The following IL3RA variants were observed in gnomAD, a reference collection of about 807,000 sequenced individuals.
IL3RA encodes interleukin 3 receptor subunit alpha.
A neutral mutation model predicts 52.3 loss-of-function variants in IL3RA; 73 were observed. That is an observed-to-expected ratio of 1.40 (90% CI 1.16 to 1.70). The LOEUF (loss-of-function observed/expected upper bound fraction) is 1.70, where lower values mean the gene tolerates loss of function less well. Among genes scored for constraint, IL3RA ranks in the 40% most tolerant of loss-of-function variants. IL3RA has a pLI of 0.00. For synonymous variants in IL3RA, 260 were observed against 194.0 expected (o/e 1.34, Z -2.83); for missense variants, 664 against 504.4 (o/e 1.32, Z -3.03).
intron 10 of IL3RA, 141 bp from the exon 11 acceptor site, chrX:1,380,882 C>G: frequency 1.4e-6 from 1 of 722,462 alleles, no homozygotes; most frequent in Non-Finnish European, 2.4e-6. Context: ...GCCTCAGGGG[C>G]CGGGAAAATA....
chrX:1,379,539 G>C (rs1305505858), intron 10 of IL3RA, among the ~76,000 whole-genome samples: 5 of 152,226 alleles, frequency 3.3e-5, no homozygotes, highest in African/African-American at 1.2e-4. Context: ...AGCCAAAGCT[G>C]AGGGCTCTGG....
chrX:1,381,764 G>C (rs1475383811), intron 11 of IL3RA, among the ~76,000 whole-genome samples: 9 of 151,116 alleles, frequency 6.0e-5, no homozygotes, highest in African/African-American at 1.9e-4. Flanking sequence ...GGATGGTCTC[G>C]ATCTCCTGAC....
At chrX:1,346,561 T>A (rs17884225) in intron 3 of IL3RA, among the ~76,000 whole-genome samples, 2 of 151,870 alleles carry the variant, frequency 1.3e-5, no homozygotes, top group East Asian at 3.9e-4. Context: ...GAGCCGAGAT[T>A]GTGCCACTGC....
chrX:1,346,594 G>A (rs2085754479), intron 3 of IL3RA, among the ~76,000 whole-genome samples: 1 of 151,862 alleles, frequency 6.6e-6, no homozygotes, highest in Non-Finnish European at 1.5e-5. Context: ...GTGACAGAGT[G>A]AGACTCCATC....
chrX:1,364,681 T>C (rs1648199335), intron 8 of IL3RA, among the ~76,000 whole-genome samples: 1 of 151,844 alleles, frequency 6.6e-6, no homozygotes, highest in African/African-American at 2.4e-5. Flanking sequence ...TCTTGCTATG[T>C]TGCCCAGGCT....
chrX:1,355,580 G>A (rs1191955087), intron 6 of IL3RA, among the ~76,000 whole-genome samples: 1 of 151,032 alleles, frequency 6.6e-6, no homozygotes, highest in Admixed American at 6.6e-5. Context: ...ACCTGAGGAT[G>A]TGGAAGTGCC....
At position 1,342,370 on chromosome X, in the gene IL3RA, C is replaced by T. The variant is rs557285785; in HGVS notation, c.64+541C>T. On this transcript the variant is annotated intron_variant, in intron 2 of 11. Transcript: ENST00000331035. ...TGATAGAGACGGGATTTCACTATGTCGGTCAGGCTGGTCTAGAACTGCTGA... is the reference window on the plus strand; with the variant it reads ...TGATAGAGACGGGATTTCACTATGTTGGTCAGGCTGGTCTAGAACTGCTGA... Among the ~76,000 whole-genome samples the T allele has an allele frequency of 2.0e-3, 304 of 151,842 alleles. 4 individuals carry two copies. The South Asian group carries it at 0.029, about 14-fold the overall frequency.
intron 7 of IL3RA, among the ~76,000 whole-genome samples, chrX:1,358,600 A>G (rs1189864841): frequency 6.6e-6 from 1 of 152,170 alleles, no homozygotes; most frequent in African/African-American, 2.4e-5. Flanking sequence ...CGGAGGTTGC[A>G]GTGAGCCGAG....
intron 8 of IL3RA, among the ~76,000 whole-genome samples, chrX:1,363,849 A>G (rs1321419858): frequency 6.6e-6 from 1 of 151,808 alleles, no homozygotes; most frequent in East Asian, 1.9e-4. Context: ...CCCCCCAAGT[A>G]GCTGAAACTA....
At chrX:1,359,289 C>T (rs1410176682) in intron 8 of IL3RA, among the ~76,000 whole-genome samples, 1 of 151,996 alleles carries the variant, frequency 6.6e-6, no homozygotes, top group African/African-American at 2.4e-5. Context: ...ATAGCTCCAC[C>T]CAGCAGAGAC....
chrX:1,381,881 G>C (rs1366358897), intron 11 of IL3RA, among the ~76,000 whole-genome samples: 1 of 151,832 alleles, frequency 6.6e-6, no homozygotes, highest in Non-Finnish European at 1.5e-5. Context: ...GTGTCCCTAA[G>C]AGAAAGGAAG....
intron 4 of IL3RA, 121 bp downstream of exon 4, chrX:1,348,666 C>CTTTCTT (rs1239606137): frequency 2.2e-6 from 1 of 451,322 alleles, no homozygotes; most frequent in Non-Finnish European, 3.8e-6. Context: ...TTCTTTCTTT[C>CTTTCTT]TTTCTTTCTT....
At chrX:1,339,382 C>T (rs2085404872) in intron 1 of IL3RA, among the ~76,000 whole-genome samples, 1 of 152,228 alleles carries the variant, frequency 6.6e-6, no homozygotes, top group Non-Finnish European at 1.5e-5. Flanking sequence ...TTACCTTTTC[C>T]CTGCTGCCCT....
intron 9 of IL3RA, among the ~76,000 whole-genome samples, chrX:1,377,534 C>T (rs180850579): frequency 1.3e-5 from 2 of 152,010 alleles, no homozygotes; most frequent in African/African-American, 2.4e-5. Flanking sequence ...TGAGCCACCG[C>T]GCCCGGCCAA....
chrX:1,350,091 AAC>A (rs1315693987), intron 4 of IL3RA, among the ~76,000 whole-genome samples: 1 of 152,192 alleles, frequency 6.6e-6, no homozygotes, highest in Non-Finnish European at 1.5e-5. Context: ...ACAAATAGAA[AAC>A]AGTCTCCTGG....
intron 9 of IL3RA, among the ~76,000 whole-genome samples, chrX:1,367,284 A>C (rs770153244): frequency 1.5e-4 from 1 of 6,678 alleles, no homozygotes; most frequent in South Asian, 9.6e-3. Flanking sequence ...GCGCGGGGTG[A>C]GCGGGGTGCG....
chrX:1,381,591 G>A (rs2089180587), intron 11 of IL3RA, among the ~76,000 whole-genome samples: 1 of 151,222 alleles, frequency 6.6e-6, no homozygotes, highest in Non-Finnish European at 1.5e-5. Flanking sequence ...AGGCTAGAGT[G>A]CAATGGTGCG....
intron 6 of IL3RA, among the ~76,000 whole-genome samples, chrX:1,353,628 ACC>A (rs749574828): frequency 0.67 from 27,816 of 41,656 alleles, 11,189 homozygotes; most frequent in African/African-American, 0.81. Context: ...GGGTCATGGG[ACC>A]CCCCCCATCA....
chrX:1,364,309 TG>T (rs1195714864), intron 8 of IL3RA, among the ~76,000 whole-genome samples: 1 of 150,886 alleles, frequency 6.6e-6, no homozygotes, highest in African/African-American at 2.4e-5. Flanking sequence ...CTGACCAACA[TG>T]GAGAAACCCC....
Sources: gnomAD v4.1 joint callset for allele counts (sites outside exome capture counted in the v4.1 genomes callset) on GRCh38, gnomAD v4.1.1 for gene constraint, MANE v1.5 for transcripts, NCBI Gene and HGNC (gene_info 2026-07-23, HGNC 2026-07-21) for gene names.